TMEM131: variants seen among roughly 807,000 people sequenced by gnomAD.
The protein encoded by TMEM131 is 2610524E03Rik.
In TMEM131, 66 loss-of-function variants were observed where a neutral mutation model predicts 211.6. The ratio of observed to expected loss-of-function variants is 0.31; its 90% CI spans 0.26 to 0.38. The LOEUF is 0.38. TMEM131 is among the 10% of genes least tolerant of loss of function. TMEM131 has a pLI of 1.00. For missense variants in TMEM131, 2,036 were observed against 2,299.3 expected (o/e 0.89, Z 2.34); for synonymous variants, 844 against 841.3 (o/e 1.00, Z -0.06).
At chr2:97,896,412 T>A (rs112309810) in intron 3 of TMEM131, among the ~76,000 whole-genome samples, 2 of 152,260 alleles carry the variant, frequency 1.3e-5, no homozygotes, top group South Asian at 2.1e-4. Flanking sequence ...GTCCTGAATA[T>A]CCTTGTTAAT....
intron 5 of TMEM131, among the ~76,000 whole-genome samples, chr2:97,848,587 T>C (rs1683555177): frequency 6.6e-6 from 1 of 152,218 alleles, no homozygotes; most frequent in Admixed American, 6.5e-5. Flanking sequence ...TTTGAACATG[T>C]ACAGACAAGA....
intron 1 of TMEM131, among the ~76,000 whole-genome samples, chr2:97,947,662 T>C (rs1301858106): frequency 2.0e-5 from 3 of 152,092 alleles, no homozygotes; most frequent in Non-Finnish European, 4.4e-5. Flanking sequence ...ACAATTCCAA[T>C]CAAGTTTTTT....
At position 97,979,631 on chromosome 2, in the gene TMEM131, T is replaced by C. The variant is rs149891569; in HGVS notation, c.187+15845A>G. Among the ~76,000 whole-genome samples, 198 of 143,284 alleles carry C rather than the reference T, an allele frequency of 1.4e-3. 1 individual carries two copies. The highest frequency in any genetic ancestry group is 4.9e-3 in the African/African-American group (180 of 36,572). 94.0% of individuals were successfully genotyped at this position (143,284 alleles called of 152,430 possible). A position where few individuals can be genotyped will look rare whatever the true frequency, so the allele number is the denominator to read the frequency against. Reference sequence around the variant, plus strand: ...GCTTCTTCCCCTCTCTCAGTCTTCATAGAACTGAAGAGAAGAGAGGGGCCT... The same window carrying C: ...GCTTCTTCCCCTCTCTCAGTCTTCACAGAACTGAAGAGAAGAGAGGGGCCT... On this transcript the variant is annotated intron_variant, in intron 1 of 40. Transcript: ENST00000186436.
At position 97,760,622 on chromosome 2, in the gene TMEM131, G is replaced by C; in HGVS notation, c.5079C>G (p.His1693Gln). 1.2e-6 allele frequency: 2 copies of C among 1,612,676 alleles called. No homozygotes were observed. Among genetic ancestry groups the C allele is most frequent in the Non-Finnish European group, 1.7e-6 (2 of 1,179,274 alleles). ...TGFSSSLGIS[H>Q]APVDSDGSDS... is the part of the protein sequence containing the mutation. Reference sequence around the variant, plus strand: ...CTGAGCCATCGCTGTCAACAGGAGCGTGTGAAATGCCAAGGCTGCTGGAGA... The same window carrying C: ...CTGAGCCATCGCTGTCAACAGGAGCCTGTGAAATGCCAAGGCTGCTGGAGA... The change falls in exon 38 of 41, where the codon CAC becomes CAG. Residue 1693 changes from histidine to glutamine, a missense_variant. Physicochemically the swap from His to Gln is conservative, Grantham distance 24 (BLOSUM62 0). This residue lies in a region of TMEM131 where 1,623 missense variants were observed against 1,805.9 expected (regional missense o/e 0.90). Coordinates refer to ENST00000186436, the MANE Select transcript of TMEM131 (RefSeq NM_015348.2).
intron 11 of TMEM131, among the ~76,000 whole-genome samples, chr2:97,829,744 A>G (rs1682572918): frequency 6.6e-6 from 1 of 152,154 alleles, no homozygotes; most frequent in Non-Finnish European, 1.5e-5. Context: ...TTCATTCTTC[A>G]AGTCAGAGAG....
chr2:97,794,341 A>G (rs1680659483), intron 29 of TMEM131, among the ~76,000 whole-genome samples: 1 of 152,120 alleles, frequency 6.6e-6, no homozygotes, highest in East Asian at 1.9e-4. Context: ...CGGCCTGCTC[A>G]TGAATTTTTA....
chr2:97,805,862 C>CA (rs1681271246), intron 19 of TMEM131, among the ~76,000 whole-genome samples, 159 bp from the exon 20 acceptor site: 1 of 152,110 alleles, frequency 6.6e-6, no homozygotes, highest in Non-Finnish European at 1.5e-5. Flanking sequence ...AATCAACAGC[C>CA]AAAAAACCTC....
intron 3 of TMEM131, among the ~76,000 whole-genome samples, chr2:97,888,599 C>T (rs544539388): frequency 6.6e-6 from 1 of 152,314 alleles, no homozygotes; most frequent in African/African-American, 2.4e-5. Context: ...TCTATTTCAT[C>T]TGAGAGTTTG....
At chr2:97,994,943 G>C (rs937673528) in intron 1 of TMEM131, among the ~76,000 whole-genome samples, 6 of 152,190 alleles carry the variant, frequency 3.9e-5, no homozygotes, top group Non-Finnish European at 7.3e-5. Flanking sequence ...TTACTAAAGA[G>C]TTAAATGGAA....
At chr2:97,774,482 G>A (rs1679618555) in intron 32 of TMEM131, among the ~76,000 whole-genome samples, 1 of 152,244 alleles carries the variant, frequency 6.6e-6, no homozygotes, top group South Asian at 2.1e-4. Context: ...CTGAGCAGGA[G>A]GAATAACTCG....
At chr2:97,870,227 T>C (rs1170147198) in intron 4 of TMEM131, among the ~76,000 whole-genome samples, 1 of 152,122 alleles carries the variant, frequency 6.6e-6, no homozygotes, top group East Asian at 1.9e-4. Context: ...AACACCTAGA[T>C]TGGTGTTTGA....
At chr2:97,815,331 T>A in intron 12 of TMEM131, 24 bp from the exon 13 acceptor site, 1 of 1,429,456 alleles carries the variant, frequency 7.0e-7, no homozygotes, top group Non-Finnish European at 9.5e-7. Flanking sequence ...TAAAAAATAA[T>A]CTCTGTTACC....
intron 17 of TMEM131, 108 bp downstream of exon 17, chr2:97,812,313 T>C: frequency 7.7e-7 from 1 of 1,297,472 alleles, no homozygotes. Context: ...ACCAACACTA[T>C]TATGAACTGC....
chr2:97,962,223 G>C (rs1396511909), intron 1 of TMEM131, among the ~76,000 whole-genome samples: 1 of 152,172 alleles, frequency 6.6e-6, no homozygotes, highest in Non-Finnish European at 1.5e-5. Context: ...TGAAAAGGCT[G>C]CCTGGCGCAG....
intron 1 of TMEM131, among the ~76,000 whole-genome samples, chr2:97,932,618 T>G (rs914178056): frequency 6.6e-6 from 1 of 152,230 alleles, no homozygotes; most frequent in African/African-American, 2.4e-5. Flanking sequence ...TAATTAATTT[T>G]CACCTTATCC....
intron 19 of TMEM131, among the ~76,000 whole-genome samples, chr2:97,808,225 A>C (rs1681399503): frequency 6.6e-6 from 1 of 152,140 alleles, no homozygotes; most frequent in African/African-American, 2.4e-5. Flanking sequence ...AGAATTTTCC[A>C]CTTGTGGTCT....
chr2:97,920,818 G>C (rs1676708621), intron 2 of TMEM131, among the ~76,000 whole-genome samples: 1 of 152,164 alleles, frequency 6.6e-6, no homozygotes. Context: ...AGATCTTTAT[G>C]CAGAATATAA....
chr2:97,809,229 T>C (rs189170364), intron 19 of TMEM131, among the ~76,000 whole-genome samples: 1 of 152,302 alleles, frequency 6.6e-6, no homozygotes, highest in Non-Finnish European at 1.5e-5. Flanking sequence ...CTTAAAACTT[T>C]TCTCAATTCT....
intron 3 of TMEM131, among the ~76,000 whole-genome samples, chr2:97,894,335 T>C (rs1378374605): frequency 6.6e-6 from 1 of 152,210 alleles, no homozygotes; most frequent in African/African-American, 2.4e-5. Context: ...CCTTGTTCTT[T>C]TTGCTTAGAG....
Sources: allele counts gnomAD v4.1 joint callset (sites outside exome capture counted in the v4.1 genomes callset), GRCh38; gene constraint gnomAD v4.1.1; regional missense constraint gnomAD v4.1.1; transcripts MANE v1.5; gene names NCBI Gene and HGNC (gene_info 2026-07-23, HGNC 2026-07-21).